The following AKT1 variants were observed in gnomAD, a reference collection of about 807,000 sequenced individuals.
AKT1 encodes the protein AKT serine/threonine kinase 1.
Under a neutral mutation model 63.1 loss-of-function variants are expected in AKT1, and 21 were observed. That is an observed-to-expected ratio of 0.33 (90% CI 0.24 to 0.48). The LOEUF (loss-of-function observed/expected upper bound fraction) is 0.48. AKT1 is among the 20% of genes least tolerant of loss of function. AKT1 has a pLI of 0.99. For missense variants in AKT1, 382 were observed against 666.0 expected (o/e 0.57, Z 4.69); for synonymous variants, 257 against 253.1 (o/e 1.02, Z -0.15).
intron 4 of AKT1, 36 bp from the exon 5 acceptor site, chr14:104,776,806 C>T: frequency 6.3e-7 from 1 of 1,580,838 alleles, no homozygotes; most frequent in South Asian, 1.1e-5. Flanking sequence ...GCGTGCATCC[C>T]CCTGCCCCTC....
rs1892732634 is a variant in AKT1, at chr14:104,776,666, C to T, written c.280G>A (p.Glu94Lys). ...CCGCCACAGCCCACGTACCGCTCCT[C>T]AGGAGTCTCCACATGGAAGGTGCGT... ...IERTFHVETPEEREEWTTAIQ... is the reference protein window; with the variant it reads ...IERTFHVETPKEREEWTTAIQ... The change falls in exon 5 of 15, where the codon GAG becomes AAG. Residue 94 changes from glutamate (E) to lysine (K), a missense_variant. Transcript: ENST00000649815. 6.2e-7 allele frequency: 1 copy of T among 1,613,150 alleles called. No individual in the cohort carries two copies. The highest frequency in any genetic ancestry group is 2.2e-5 in the East Asian group (1 of 44,876).
intron 3 of AKT1, among the ~76,000 whole-genome samples, chr14:104,782,604 T>C (rs993769760): frequency 1.3e-5 from 2 of 152,142 alleles, no homozygotes; most frequent in African/African-American, 2.4e-5. Flanking sequence ...CGAGCATTCC[T>C]GGGGAGTCCT....
chr14:104,773,804 G>C (rs1002728299), intron 9 of AKT1, 108 bp downstream of exon 9: 46 of 1,283,636 alleles, frequency 3.6e-5, no homozygotes, highest in Non-Finnish European at 5.0e-5. Flanking sequence ...ACCCAGCAGG[G>C]AGCACCGTCT....
At chr14:104,781,074 A>G (rs1221130524) in intron 3 of AKT1, among the ~76,000 whole-genome samples, 1 of 152,222 alleles carries the variant, frequency 6.6e-6, no homozygotes, top group Non-Finnish European at 1.5e-5. Context: ...AGGCGTTCAC[A>G]CTTCAGAATC....
At chr14:104,775,830 G>GT in intron 5 of AKT1, 31 bp from the exon 6 acceptor site, 1 of 1,608,706 alleles carries the variant, frequency 6.2e-7, no homozygotes, top group Non-Finnish European at 8.5e-7. Context: ...CTGCAGGCCT[G>GT]TACCAGATCA....
chr14:104,770,867 G>A lies in AKT1; in HGVS notation c.1261-20C>T, dbSNP rs771248358. 2.5e-6 allele frequency: 4 copies of A among 1,609,012 alleles called. No individual in the cohort carries two copies. The highest frequency in any genetic ancestry group is 3.4e-6 in the Non-Finnish European group (4 of 1,176,236). On this transcript the variant is annotated intron_variant, in intron 13 of 14. Transcript: ENST00000649815. ...GCTGAGCTGCAGAGGTGGGCAGACG[G>A]GACAGTCATGAGCTTCGCTCCCCAC...
intron 3 of AKT1, among the ~76,000 whole-genome samples, chr14:104,790,214 C>T (rs1257847900): frequency 1.3e-5 from 2 of 152,334 alleles, no homozygotes; most frequent in Admixed American, 6.5e-5. Context: ...TGGGGAGTCC[C>T]GGCAAAGGGG....
chr14:104,773,837 G>A, intron 9 of AKT1, 75 bp downstream of exon 9: 2 of 1,449,086 alleles, frequency 1.4e-6, no homozygotes, highest in Non-Finnish European at 1.9e-6. Flanking sequence ...AGTAGCCGAG[G>A]CTCCGGGAAG....
intron 12 of AKT1, 88 bp downstream of exon 12, chr14:104,772,790 G>C: frequency 4.4e-6 from 6 of 1,374,176 alleles, no homozygotes; most frequent in Non-Finnish European, 4.9e-6. Context: ...AGTCTGGGAG[G>C]TGCCAGGACC....
chr14:104,790,332 G>C (rs1242629436), intron 3 of AKT1, among the ~76,000 whole-genome samples: 2 of 152,188 alleles, frequency 1.3e-5, no homozygotes, highest in Non-Finnish European at 2.9e-5. Flanking sequence ...CTGGAGGACA[G>C]TCACTGCGTC....
In AKT1 at chr14:104,776,751, C is replaced by T. The variant is rs768384015; in HGVS notation, c.195G>A (p.Thr65=). The change falls in exon 5 of 15, where the codon ACG becomes ACA. Residue 65 remains threonine (T), a synonymous_variant. Transcript: ENST00000649815. ...TGAAGGTGTTGGGCCGGGGCCGCTCCGTCTTCATCAGCTGGCACTCTGCGG... is the reference window on the plus strand; with the variant it reads ...TGAAGGTGTTGGGCCGGGGCCGCTCTGTCTTCATCAGCTGGCACTCTGCGG... ...FSVAQCQLMK[T]ERPRPNTFII... 5.4e-5 allele frequency: 87 copies of T among 1,613,038 alleles called. No individual in the cohort carries two copies. The highest frequency in any genetic ancestry group is 3.0e-4 in the Admixed American group (18 of 59,988).
intron 3 of AKT1, among the ~76,000 whole-genome samples, chr14:104,790,049 C>T (rs1298990093): frequency 6.6e-6 from 1 of 152,222 alleles, no homozygotes; most frequent in Admixed American, 6.5e-5. Flanking sequence ...TGCCACCCCA[C>T]CCCTCACACA....
intron 3 of AKT1, 130 bp downstream of exon 3, chr14:104,792,468 C>G: frequency 6.4e-6 from 7 of 1,090,514 alleles, no homozygotes; most frequent in Middle Eastern, 2.0e-4. Flanking sequence ...AGGACACTCA[C>G]CCTAGGCCAG....
Position 104,772,254 on chromosome 14 carries a change from CCTG to C in AKT1, c.1260+108_1260+110del, listed in dbSNP as rs1892429687. ...CCTTGTACCAGGACTGCAGCAGGCT[CCTG>C]AGGTGAGGGCGAGTGTGTGGGAAAT... On this transcript the variant is annotated intron_variant, in intron 13 of 14. Transcript: ENST00000649815. 8 of 1,214,448 alleles carry C rather than the reference CCTG, an allele frequency of 6.6e-6. No individual in the cohort carries two copies. In the East Asian group the frequency reaches 1.2e-4, roughly 18 times the overall value. 75.2% of individuals were successfully genotyped at this position (1,214,448 alleles called of 1,614,324 possible).
At chr14:104,785,996 C>T (rs1893310759) in intron 3 of AKT1, among the ~76,000 whole-genome samples, 1 of 152,128 alleles carries the variant, frequency 6.6e-6, no homozygotes, top group Non-Finnish European at 1.5e-5. Context: ...CCCACAGGCA[C>T]TGCCCGTCAC....
At chr14:104,772,599 G>T in intron 12 of AKT1, 147 bp from the exon 13 acceptor site, 1 of 817,470 alleles carries the variant, frequency 1.2e-6, no homozygotes, top group Non-Finnish European at 1.9e-6. Flanking sequence ...TCCCTGAGCA[G>T]CTGTGGGTAG....
chr14:104,771,454 C>CA (rs1272125341), intron 13 of AKT1: 5 of 232,448 alleles, frequency 2.2e-5, no homozygotes. Context: ...CTGGGCTGGG[C>CA]ACCAGCATTG....
intron 3 of AKT1, among the ~76,000 whole-genome samples, chr14:104,791,177 CA>C (rs1287489142): frequency 1.3e-5 from 2 of 152,162 alleles, no homozygotes; most frequent in Non-Finnish European, 2.9e-5. Context: ...TATCAACAAA[CA>C]CACATTTGCC....
intron 5 of AKT1, 35 bp from the exon 6 acceptor site, chr14:104,775,834 C>T: frequency 6.2e-7 from 1 of 1,606,592 alleles, no homozygotes; most frequent in Non-Finnish European, 8.5e-7. Flanking sequence ...AGGCCTGTAC[C>T]AGATCAGGAG....
Sources: gnomAD v4.1 joint callset for allele counts (sites outside exome capture counted in the v4.1 genomes callset) on GRCh38, gnomAD v4.1.1 for gene constraint, MANE v1.5 for transcripts, NCBI Gene and HGNC (gene_info 2026-07-23, HGNC 2026-07-21) for gene names.